RGS6: variants seen among roughly 807,000 people sequenced by gnomAD.
The protein encoded by RGS6 is regulator of G protein signaling 6.
Under a neutral mutation model 78.5 loss-of-function variants are expected in RGS6, and 30 were observed. The observed-to-expected ratio is 0.38, with a 90% CI of 0.29 to 0.52. The LOEUF is 0.52. Ranked by LOEUF, RGS6 falls within the 20% of genes least tolerant of loss-of-function variation. The pLI, the probability that RGS6 is intolerant of heterozygous loss-of-function variation, is 0.85. For synonymous variants in RGS6, 206 were observed against 206.0 expected, an observed-to-expected ratio of 1.00 and a Z score of 0.00; for missense variants, 495 against 609.7, an observed-to-expected ratio of 0.81 and a Z score of 1.98.
At chr14:72,145,501 T>C (rs1385471292) in intron 2 of RGS6, among the ~76,000 whole-genome samples, 1 of 152,208 alleles carries the variant, frequency 6.6e-6, no homozygotes, top group Admixed American at 6.5e-5. Context: ...GTGGTTTCAA[T>C]GGAGCCTCAC....
the RGS6 span, among the ~76,000 whole-genome samples, chr14:71,898,048 A>AT: frequency 6.7e-6 from 1 of 149,280 alleles, no homozygotes; most frequent in East Asian, 2.0e-4. Flanking sequence ...GTACAAAGTG[A>AT]TTTTTGCTAT....
chr14:72,541,729 G>C (rs1488002809), intron 17 of RGS6: 1 of 1,202,884 alleles, frequency 8.3e-7, no homozygotes. Context: ...TGTGTAAGCA[G>C]AGCCTTGACA....
rs1335006802 is a variant in RGS6, at chr14:72,564,023, T to G, written c.*1556T>G. 6.6e-6 allele frequency: 1 copy of G among 152,230 alleles called. No homozygotes were observed. The highest frequency in any genetic ancestry group is 1.5e-5 in the Non-Finnish European group (1 of 68,044). The allele number at this position is 152,230 out of a possible 1,614,324, so 9.4% of individuals were successfully genotyped here. ...GGTGACCAAAGGCTCAGATGCTTGC[T>G]TATTTGCAGACCCGGCCTCCTGGGT... On this transcript the variant is annotated 3_prime_UTR_variant, in exon 18 of 18. Coordinates refer to ENST00000553525, the MANE Select transcript of RGS6 (RefSeq NM_001204424.2).
the RGS6 span, among the ~76,000 whole-genome samples, chr14:72,606,960 A>T: frequency 1.8e-3 from 272 of 152,270 alleles, no homozygotes; most frequent in African/African-American, 6.0e-3. Flanking sequence ...TGTTGGTGCC[A>T]TGCTTCTTGT....
At chr14:72,094,495 T>C (rs1314552883) in intron 2 of RGS6, among the ~76,000 whole-genome samples, 1 of 152,216 alleles carries the variant, frequency 6.6e-6, no homozygotes, top group Non-Finnish European at 1.5e-5. Flanking sequence ...GATCTTACTG[T>C]ATTTGCATGC....
intron 3 of RGS6, among the ~76,000 whole-genome samples, chr14:72,361,083 C>CTTTTTTTT (rs56251149): frequency 1.4e-5 from 2 of 138,374 alleles, no homozygotes; most frequent in African/African-American, 5.2e-5. Flanking sequence ...AATCAAACCT[C>CTTTTTTTT]TTTTTTTTTT....
chr14:72,263,317 A>G (rs2058490313), intron 2 of RGS6, among the ~76,000 whole-genome samples: 1 of 152,094 alleles, frequency 6.6e-6, no homozygotes, highest in African/African-American at 2.4e-5. Flanking sequence ...TTGAAAGTCA[A>G]CTGATGTCAT....
the RGS6 span, among the ~76,000 whole-genome samples, chr14:71,876,071 G>C: frequency 2.0e-4 from 30 of 152,186 alleles, 2 homozygotes; most frequent in East Asian, 5.6e-3. Flanking sequence ...CCAACTATGT[G>C]GTCAATTTTG....
chr14:72,201,485 C>T (rs764872168), intron 2 of RGS6, among the ~76,000 whole-genome samples: 4 of 152,098 alleles, frequency 2.6e-5, no homozygotes, highest in Non-Finnish European at 2.9e-5. Context: ...ACACTAAATT[C>T]GACTTTTTAA....
intron 3 of RGS6, among the ~76,000 whole-genome samples, chr14:72,441,682 C>T (rs894089213): frequency 6.6e-6 from 1 of 152,238 alleles, no homozygotes; most frequent in African/African-American, 2.4e-5. Context: ...GCCCAGCACT[C>T]AAGGATGTCC....
intron 2 of RGS6, among the ~76,000 whole-genome samples, chr14:72,332,236 C>G (rs2075206193): frequency 6.6e-6 from 1 of 152,206 alleles, no homozygotes; most frequent in Admixed American, 6.5e-5. Context: ...CCAGATGGTT[C>G]ACAAACTAGA....
At chr14:72,543,897 G>A (rs991683742) in intron 17 of RGS6, among the ~76,000 whole-genome samples, 12 of 152,072 alleles carry the variant, frequency 7.9e-5, no homozygotes, top group Middle Eastern at 3.2e-3. Context: ...CACCACACCC[G>A]GCTAATTTTT....
chr14:72,592,068 A>T, the RGS6 span, among the ~76,000 whole-genome samples: 1 of 152,232 alleles, frequency 6.6e-6, no homozygotes, highest in Non-Finnish European at 1.5e-5. Context: ...ATTTTTTACC[A>T]TTTGACCACA....
At chr14:72,525,490 G>A (rs1206632270) in intron 15 of RGS6, among the ~76,000 whole-genome samples, 5 of 152,172 alleles carry the variant, frequency 3.3e-5, no homozygotes, top group African/African-American at 4.8e-5. Flanking sequence ...GAAAGATACC[G>A]TCAAGTCCAC....
intron 2 of RGS6, among the ~76,000 whole-genome samples, chr14:72,110,485 C>G (rs1038410781): frequency 2.6e-5 from 4 of 152,180 alleles, no homozygotes; most frequent in Admixed American, 6.5e-5. Context: ...GCTTGACTCT[C>G]TCGGCAGAAA....
chr14:72,155,379 AAG>A (rs2096755642), intron 2 of RGS6, among the ~76,000 whole-genome samples: 1 of 152,190 alleles, frequency 6.6e-6, no homozygotes, highest in Non-Finnish European at 1.5e-5. Flanking sequence ...CCTGGAATCA[AAG>A]ACTTGTCAGA....
chr14:71,967,510 C>G (rs1035144972), intron 2 of RGS6, among the ~76,000 whole-genome samples: 4 of 152,178 alleles, frequency 2.6e-5, no homozygotes, highest in Non-Finnish European at 4.4e-5. Context: ...CAATTCAAAG[C>G]ATTTTCTTTG....
chr14:72,320,641 G>A (rs2071682950), intron 2 of RGS6, among the ~76,000 whole-genome samples: 1 of 151,408 alleles, frequency 6.6e-6, no homozygotes, highest in Non-Finnish European at 1.5e-5. Context: ...TCTAAGAGAT[G>A]AATGAAGAAA....
intron 1 of RGS6, among the ~76,000 whole-genome samples, chr14:71,952,233 A>G (rs567087147): frequency 3.9e-5 from 6 of 152,306 alleles, no homozygotes; most frequent in African/African-American, 1.4e-4. Context: ...TTTACTATTA[A>G]ATATTATTAA....
Sources: allele counts gnomAD v4.1 joint callset (sites outside exome capture counted in the v4.1 genomes callset), GRCh38; gene constraint gnomAD v4.1.1; transcripts MANE v1.5; gene names NCBI Gene and HGNC (gene_info 2026-07-23, HGNC 2026-07-21).